Variants in MORF4L1 observed in about 807,000 individuals in gnomAD.
MORF4L1 encodes the protein mortality factor 4-like protein 1.
Under a neutral mutation model 52.9 loss-of-function variants are expected in MORF4L1, and 4 were observed. The observed-to-expected ratio is 0.08, with a 90% CI of 0.04 to 0.17. MORF4L1 has a LOEUF of 0.17. Ranked by LOEUF, MORF4L1 falls within the 10% of genes least tolerant of loss-of-function variation. MORF4L1 has a pLI of 1.00. For missense variants in MORF4L1, 214 were observed against 390.4 expected (o/e 0.55, Z 3.81); for synonymous variants, 123 against 134.8 (o/e 0.91, Z 0.61).
chr15:78,895,072 A>C (rs1198529621), intron 11 of MORF4L1, among the ~76,000 whole-genome samples, 168 bp downstream of exon 11: 7 of 152,224 alleles, frequency 4.6e-5, no homozygotes, highest in Non-Finnish European at 5.9e-5. Context: ...CAGAAATGAT[A>C]GATGGTATAT....
chr15:78,894,683 C>T, intron 10 of MORF4L1, 137 bp from the exon 11 acceptor site: 1 of 683,576 alleles, frequency 1.5e-6, no homozygotes, highest in South Asian at 1.8e-5. Flanking sequence ...GCTGGGATTA[C>T]AGGCGTGAGC....
rs2056917362 is a variant in MORF4L1 at position 78,897,981 on chromosome 15, C to T, written c.*914C>T. The T allele has an allele frequency of 6.6e-6, 1 of 152,038 alleles. No individual in the cohort carries two copies. Among genetic ancestry groups the T allele is most frequent in the Non-Finnish European group, 1.5e-5 (1 of 68,018 alleles). 9.4% of individuals were successfully genotyped at this position (152,038 alleles called of 1,614,324 possible). ...TTTATTTTCCCTAAATTATTACTTA[C>T]TCTGAGCATTAATTAAGGGCATTTT... On this transcript the variant is annotated 3_prime_UTR_variant, in exon 12 of 12. Transcript: ENST00000426013.
chr15:78,896,349 T>C (rs2056889863), intron 11 of MORF4L1, among the ~76,000 whole-genome samples: 2 of 145,672 alleles, frequency 1.4e-5, no homozygotes, highest in East Asian at 2.4e-4. Flanking sequence ...AGTTTCACGC[T>C]TGTCCATGCT....
intron 1 of MORF4L1, among the ~76,000 whole-genome samples, chr15:78,875,287 G>A (rs2056463736): frequency 6.6e-6 from 1 of 152,204 alleles, no homozygotes; most frequent in Non-Finnish European, 1.5e-5. Context: ...AGGGTTGCTA[G>A]TTAAGAGAGG....
At chr15:78,892,366 C>CA (rs753631712) in intron 8 of MORF4L1, 53 bp downstream of exon 8, 6 of 1,336,642 alleles carry the variant, frequency 4.5e-6, no homozygotes, top group South Asian at 1.3e-5. Flanking sequence ...TTCTTGCTAG[C>CA]AAAAAAAGTT....
intron 3 of MORF4L1, chr15:78,884,920 C>A: frequency 7.3e-7 from 1 of 1,375,376 alleles, no homozygotes; most frequent in Non-Finnish European, 1.0e-6. Context: ...AGGCTCAATT[C>A]TGCACCTGGT....
At position 78,894,004 on chromosome 15, in the gene MORF4L1, C is replaced by CT. The variant is rs1316756244; in HGVS notation, c.630-53dup. On this transcript the variant is annotated intron_variant, in intron 9 of 11. Transcript: ENST00000426013. The stretch of plus-strand genomic sequence containing the variant: ...TTCTTTAAATTGGTTGAATTATTCT[C>CT]TATGTCAGTTATTTTTATTGACCAG... 50 of 1,480,822 alleles carry CT rather than the reference C, an allele frequency of 3.4e-5. No individual in the cohort carries two copies. The East Asian group carries it at 1.2e-3, about 34-fold the overall frequency. The allele number at this position is 1,480,822 out of a possible 1,614,324, so 91.7% of individuals were successfully genotyped here.
At chr15:78,875,000 G>A (rs868281456) in intron 1 of MORF4L1, among the ~76,000 whole-genome samples, 3 of 151,976 alleles carry the variant, frequency 2.0e-5, no homozygotes, top group African/African-American at 4.8e-5. Flanking sequence ...TTACAGTTAT[G>A]GAAGATGTTT....
chr15:78,887,228 A>G, intron 4 of MORF4L1, 41 bp from the exon 5 acceptor site: 1 of 1,534,774 alleles, frequency 6.5e-7, no homozygotes, highest in Non-Finnish European at 8.8e-7. Flanking sequence ...TTTCACATAA[A>G]TGCTCATTTT....
At chr15:78,880,616 C>A in intron 3 of MORF4L1, 37 bp downstream of exon 3, 1 of 1,449,018 alleles carries the variant, frequency 6.9e-7, no homozygotes, top group South Asian at 1.2e-5. Flanking sequence ...TTGTAATTAA[C>A]AAGATAGCTT....
At chr15:78,896,295 TTTC>T (rs1177709941) in intron 11 of MORF4L1, among the ~76,000 whole-genome samples, 21 of 131,090 alleles carry the variant, frequency 1.6e-4, no homozygotes, top group Non-Finnish European at 2.3e-4. Flanking sequence ...TTTTTTCTTT[TTTC>T]TTTTCTTTTC....
chr15:78,883,264 A>G (rs1371281583), intron 3 of MORF4L1, among the ~76,000 whole-genome samples: 1 of 152,024 alleles, frequency 6.6e-6, no homozygotes, highest in African/African-American at 2.4e-5. Context: ...AAACTACGAC[A>G]AGGGAATAGA....
intron 2 of MORF4L1, among the ~76,000 whole-genome samples, chr15:78,880,128 C>A: frequency 6.6e-6 from 1 of 152,228 alleles, no homozygotes; most frequent in East Asian, 1.9e-4. Flanking sequence ...CCATTTACTG[C>A]CTTTCATAAG....
In MORF4L1 at chr15:78,897,181, G is replaced by C; in HGVS notation, c.*114G>C. 1.4e-6 allele frequency: 1 copy of C among 714,520 alleles called. No homozygotes were observed. Among genetic ancestry groups the C allele is most frequent in the African/African-American group, 1.8e-5 (1 of 54,502 alleles). 44.3% of individuals were successfully genotyped at this position (714,520 alleles called of 1,614,324 possible). A position where few individuals can be genotyped will look rare whatever the true frequency, so the allele number is the denominator to read the frequency against. On this transcript the variant is annotated 3_prime_UTR_variant, in exon 12 of 12. Transcript: ENST00000426013. ...TGTTAGTGTATAACAATTGATGTTT[G>C]TTTTCTGTTTGATTTTAAACAGAGA...
At chr15:78,887,242 T>C in intron 4 of MORF4L1, 27 bp from the exon 5 acceptor site, 3 of 1,578,578 alleles carry the variant, frequency 1.9e-6, no homozygotes. Flanking sequence ...TCATTTTATG[T>C]TGACATTACT....
chr15:78,881,528 A>G (rs1049916024), intron 3 of MORF4L1, among the ~76,000 whole-genome samples: 1 of 151,622 alleles, frequency 6.6e-6, no homozygotes, highest in African/African-American at 2.4e-5. Flanking sequence ...TAAAGTACCG[A>G]TGTTATTGAT....
intron 3 of MORF4L1, among the ~76,000 whole-genome samples, chr15:78,883,298 C>G (rs986017673): frequency 6.6e-6 from 1 of 151,362 alleles, no homozygotes; most frequent in African/African-American, 2.4e-5. Context: ...TTTTAAAAAC[C>G]TTAAAAAATT....
chr15:78,891,283 TA>T, intron 6 of MORF4L1, 200 bp from the exon 7 acceptor site: 3 of 651,822 alleles, frequency 4.6e-6, no homozygotes, highest in Non-Finnish European at 8.0e-6. Flanking sequence ...ATGGTGATAC[TA>T]AATGTTGTCT....
intron 1 of MORF4L1, chr15:78,876,425 T>C: frequency 2.5e-6 from 1 of 396,266 alleles, no homozygotes; most frequent in South Asian, 1.8e-5. Context: ...TTGTTTTGTT[T>C]AGATTTTGAG....
Sources: allele counts gnomAD v4.1 joint callset (sites outside exome capture counted in the v4.1 genomes callset), GRCh38; gene constraint gnomAD v4.1.1; transcripts MANE v1.5; gene names NCBI Gene and HGNC (gene_info 2026-07-23, HGNC 2026-07-21).